Variants in MPP2 observed in about 807,000 individuals in gnomAD.
MPP2 encodes MAGUK p55 subfamily member 2.
MPP2 carries 42 observed loss-of-function variants against 58.5 expected under a neutral mutation model. The observed-to-expected ratio is 0.72, with a 90% confidence interval of 0.56 to 0.93. MPP2 has a LOEUF of 0.93. MPP2 is among the 40% of genes least tolerant of loss of function. The pLI, the probability that MPP2 is intolerant of heterozygous loss-of-function variation, is 0.00. For missense variants in MPP2, 632 were observed against 760.4 expected, an observed-to-expected ratio of 0.83 and a Z score of 1.99; for synonymous variants, 300 against 307.8, an observed-to-expected ratio of 0.97 and a Z score of 0.26.
upstream of MPP2, among the ~76,000 whole-genome samples, chr17:43,909,160 G>A (rs772079984): frequency 8.5e-5 from 13 of 152,096 alleles, no homozygotes; most frequent in African/African-American, 2.4e-4. Context: ...TCTGCCTCCC[G>A]GGTTCAAGCA....
chr17:43,907,300 A>T (rs1597822921), intron 1 of MPP2, 174 bp downstream of exon 1: 1 of 981,536 alleles, frequency 1.0e-6, no homozygotes, highest in South Asian at 4.7e-5. Context: ...CCCAACCAGC[A>T]CCCCAGAAAG....
At chr17:43,905,233 G>A (rs1286522839) in intron 1 of MPP2, 1 of 152,142 alleles carries the variant, frequency 6.6e-6, no homozygotes, top group Non-Finnish European at 1.5e-5. Flanking sequence ...AGCCAAAGTA[G>A]AAAACATGAG....
chr17:43,897,416 G>A (rs1023100464), intron 3 of MPP2, among the ~76,000 whole-genome samples: 3 of 152,200 alleles, frequency 2.0e-5, no homozygotes, highest in Non-Finnish European at 2.9e-5. Context: ...AGGAGGTGGA[G>A]GTTGCAGTGA....
chr17:43,883,955 C>T lies in MPP2; in HGVS notation c.151-600G>A, dbSNP rs113390722. 3.2e-3 allele frequency: 1,879 copies of T among 579,810 alleles called. 18 individuals carry two copies. Among genetic ancestry groups the T allele is most frequent in the African/African-American group, 0.029 (1,536 of 53,296 alleles). The allele number at this position is 579,810 out of a possible 1,614,324, so 35.9% of individuals were successfully genotyped here. A position where few individuals can be genotyped will look rare whatever the true frequency, so the allele number is the denominator to read the frequency against. On this transcript the variant is annotated intron_variant, in intron 3 of 12. Coordinates refer to ENST00000269095, the MANE Select transcript of MPP2 (RefSeq NM_005374.5). ...AGAAAAGGAATCCTTCGCCAGTGAC[C>T]AGCCCAGTGGGGAGTGTTAGGTTAG...
chr17:43,902,775 G>A (rs899514759), intron 2 of MPP2, among the ~76,000 whole-genome samples: 2 of 152,198 alleles, frequency 1.3e-5, no homozygotes, highest in Non-Finnish European at 2.9e-5. Context: ...ATCCAGGCAG[G>A]GGGAAGTTCA....
intron 2 of MPP2, among the ~76,000 whole-genome samples, chr17:43,902,092 C>T (rs2048116171): frequency 6.6e-6 from 1 of 152,122 alleles, no homozygotes; most frequent in African/African-American, 2.4e-5. Flanking sequence ...ATTTTTGAAG[C>T]TGGGAGCTAA....
At chr17:43,889,394 G>A (rs528628753) in intron 3 of MPP2, among the ~76,000 whole-genome samples, 4 of 127,836 alleles carry the variant, frequency 3.1e-5, no homozygotes, top group African/African-American at 6.1e-5. Flanking sequence ...ACAGAGTCTC[G>A]CTCTATCGCC....
chr17:43,882,574 T>G, intron 5 of MPP2, 63 bp from the exon 6 acceptor site: 1 of 1,489,054 alleles, frequency 6.7e-7, no homozygotes, highest in Non-Finnish European at 9.1e-7. Context: ...CTTCAAATAG[T>G]CTCCTAATAG....
chr17:43,904,318 G>T, intron 2 of MPP2, 112 bp downstream of exon 2: 3 of 931,464 alleles, frequency 3.2e-6, no homozygotes, highest in Non-Finnish European at 5.1e-6. Flanking sequence ...AGGGTGGACA[G>T]CAGTGGAGCC....
Position 43,881,231 on chromosome 17 carries a change from G to C in MPP2, c.919+13C>G. On this transcript the variant is annotated intron_variant, in intron 8 of 12. Transcript: ENST00000269095. Reference sequence around the variant, plus strand: ...TCCCAGATTGGAGGTGTGGGGTAGGGGGGACCTCCTACCTGAGTTTGGTGT... The same window carrying C: ...TCCCAGATTGGAGGTGTGGGGTAGGCGGGACCTCCTACCTGAGTTTGGTGT... 1 of 1,611,480 alleles carries C rather than the reference G, an allele frequency of 6.2e-7. No individual in the cohort carries two copies. The highest frequency in any genetic ancestry group is 8.5e-7 in the Non-Finnish European group (1 of 1,177,598).
intron 3 of MPP2, among the ~76,000 whole-genome samples, chr17:43,887,313 G>C (rs1294675616): frequency 6.6e-6 from 1 of 152,178 alleles, no homozygotes; most frequent in African/African-American, 2.4e-5. Flanking sequence ...GAACCCAGGA[G>C]ATTGAGGCTG....
In MPP2 at chr17:43,907,518, C is replaced by G. The variant is rs1225399257; in HGVS notation, c.-78G>C. The G allele has an allele frequency of 1.6e-5, 16 of 985,530 alleles. No homozygotes were observed. The highest frequency in any genetic ancestry group is 1.9e-5 in the Non-Finnish European group (16 of 829,974). The allele number at this position is 985,530 out of a possible 1,614,324, so 61.0% of individuals were successfully genotyped here. A position where few individuals can be genotyped will look rare whatever the true frequency, so the allele number is the denominator to read the frequency against. Reference sequence around the variant, plus strand: ...TAGCTCCGGGCGGCTCCAGCGCAGCCGGGCGCTCAGCGTTTATTGCTTGTC... The same window carrying G: ...TAGCTCCGGGCGGCTCCAGCGCAGCGGGGCGCTCAGCGTTTATTGCTTGTC... On this transcript the variant is annotated 5_prime_UTR_variant, in exon 1 of 13. Coordinates refer to ENST00000269095, the MANE Select transcript of MPP2 (RefSeq NM_005374.5).
rs1168246046 is a variant in MPP2, at chr17:43,875,861, T to C, written c.*1946A>G. ...CAGAAGCAGCTGCAACAACAGATCT[T>C]CCCCTGCCTCTACCCTCAAATCCCC... is the stretch of plus-strand genomic sequence containing the variant. On this transcript the variant is annotated 3_prime_UTR_variant, in exon 13 of 13. Transcript: ENST00000269095. 2 of 152,136 alleles carry C rather than the reference T, an allele frequency of 1.3e-5. No homozygotes were observed. The highest frequency in any genetic ancestry group is 2.4e-5 in the African/African-American group (1 of 41,410). The allele number at this position is 152,136 out of a possible 1,614,324, so 9.4% of individuals were successfully genotyped here.
Position 43,880,725 on chromosome 17 carries a change from C to A in MPP2, c.1116G>T (p.Met372Ile), listed in dbSNP as rs1403336341. The A allele has an allele frequency of 1.9e-6, 3 of 1,613,530 alleles. No individual in the cohort carries two copies. In the African/African-American group the frequency reaches 4.0e-5, roughly 22 times the overall value. ...TGGTGCCATAGCGATCTGGATCCCA[C>A]ATGATGAGCTTGTTCTTCAGGCTGC... ...GRRSLKNKLI[M>I]WDPDRYGTTV... Residue 372 changes from methionine (M) to isoleucine (I), a missense_variant, in exon 10 of 13, where the codon ATG becomes ATT. Physicochemically the swap from Met to Ile is conservative, Grantham distance 10. Transcript: ENST00000269095. This position sits in a 1 kb window ranked among gnomAD's most constrained non-coding sequence, Gnocchi z 5.2.
chr17:43,891,217 T>C (rs549469217), intron 3 of MPP2, among the ~76,000 whole-genome samples: 48 of 152,246 alleles, frequency 3.2e-4, no homozygotes, highest in African/African-American at 1.1e-3. Flanking sequence ...TAACAACTCT[T>C]CCTGATTCAA....
At chr17:43,907,660 C>G (rs2048346939), upstream of MPP2, 3 of 985,512 alleles carry the variant, frequency 3.0e-6, no homozygotes, top group Non-Finnish European at 3.6e-6. Flanking sequence ...AGTAGTCTTT[C>G]CCAGCAGCTG....
intron 2 of MPP2, among the ~76,000 whole-genome samples, chr17:43,900,300 T>C (rs1454330469): frequency 6.6e-6 from 1 of 152,112 alleles, no homozygotes; most frequent in Admixed American, 6.5e-5. Context: ...CTCCGTTATC[T>C]AGGGGAGGAC....
At chr17:43,907,599 C>CGGAGGAGAGG, upstream of MPP2, 1 of 985,512 alleles carries the variant, frequency 1.0e-6, no homozygotes, top group Non-Finnish European at 1.2e-6. Context: ...GGCGGAGGTC[C>CGGAGGAGAGG]GGAGGAGAGG....
rs2046829610 is a variant in MPP2 at position 43,876,371 on chromosome 17, A to C, written c.*1436T>G. On this transcript the variant is annotated 3_prime_UTR_variant, in exon 13 of 13. Coordinates refer to ENST00000269095, the MANE Select transcript of MPP2 (RefSeq NM_005374.5). ...GAAGGAATGCAGAGAATAATGAAGGATGAGATGCCCAAGTACATCTAGGAC... is the reference window on the plus strand; with the variant it reads ...GAAGGAATGCAGAGAATAATGAAGGCTGAGATGCCCAAGTACATCTAGGAC... The C allele has an allele frequency of 2.0e-5, 3 of 152,484 alleles. No individual in the cohort carries two copies. The South Asian group carries it at 6.2e-4, about 32-fold the overall frequency. 9.4% of individuals were successfully genotyped at this position (152,484 alleles called of 1,614,324 possible). A position where few individuals can be genotyped will look rare whatever the true frequency, so the allele number is the denominator to read the frequency against.
Sources: gnomAD v4.1 joint callset for allele counts (sites outside exome capture counted in the v4.1 genomes callset) on GRCh38, gnomAD v4.1.1 for gene constraint, Gnocchi (gnomAD v3.1) non-coding constraint, MANE v1.5 for transcripts, NCBI Gene and HGNC (gene_info 2026-07-23, HGNC 2026-07-21) for gene names.